The following SYNJ1 variants were observed in gnomAD, a reference collection of about 807,000 sequenced individuals.
SYNJ1 encodes the protein polyphosphatidylinositol phosphatase SYNJ1.
A neutral mutation model predicts 168.2 loss-of-function variants in SYNJ1; 78 were observed. That is an observed-to-expected ratio of 0.46 (90% CI 0.39 to 0.56). SYNJ1 has a LOEUF of 0.56. SYNJ1 is among the 20% of genes least tolerant of loss of function. The pLI, the probability that SYNJ1 is intolerant of heterozygous loss-of-function variation, is 0.00. For missense variants in SYNJ1, 1,303 were observed against 1,597.6 expected, an observed-to-expected ratio of 0.82 and a Z score of 3.14; for synonymous variants, 539 against 548.6, an observed-to-expected ratio of 0.98 and a Z score of 0.24.
intron 2 of SYNJ1, among the ~76,000 whole-genome samples, chr21:32,720,654 A>C (rs2043187179): frequency 6.6e-6 from 1 of 152,240 alleles, no homozygotes; most frequent in Non-Finnish European, 1.5e-5. Flanking sequence ...CCTGAAAGTA[A>C]TCTTACCACT....
At position 32,629,895 on chromosome 21, in the gene SYNJ1, G is replaced by A. The variant is rs2039256452; in HGVS notation, c.*1910C>T. Reference sequence around the variant, plus strand: ...AAAAACTTAAAGCAGCATCATAGATGTGTTATGTAGCCTCGTAAGAGGGGG... The same window carrying A: ...AAAAACTTAAAGCAGCATCATAGATATGTTATGTAGCCTCGTAAGAGGGGG... On this transcript the variant is annotated 3_prime_UTR_variant, in exon 33 of 33. Coordinates refer to ENST00000674351, the MANE Select transcript of SYNJ1 (RefSeq NM_203446.3). 6.6e-6 allele frequency: 1 copy of A among 152,592 alleles called. No homozygotes were observed. Among genetic ancestry groups the A allele is most frequent in the Non-Finnish European group, 1.5e-5 (1 of 68,046 alleles). 9.5% of individuals were successfully genotyped at this position (152,592 alleles called of 1,614,324 possible). A position where few individuals can be genotyped will look rare whatever the true frequency, so the allele number is the denominator to read the frequency against.
Position 32,631,279 on chromosome 21 carries a change from C to T in SYNJ1, c.*526G>A, listed in dbSNP as rs1304102538. ...TCTTCTTCCTCGAAGGTTACCCATC[C>T]TTTCGGGTTGCTAATTTTTAATGTA... On this transcript the variant is annotated 3_prime_UTR_variant, in exon 33 of 33. Transcript: ENST00000674351. The T allele has an allele frequency of 6.2e-7, 1 of 1,614,206 alleles. No homozygotes were observed. The highest frequency in any genetic ancestry group is 1.7e-5 in the Admixed American group (1 of 60,028).
chr21:32,645,660 G>C lies in SYNJ1; in HGVS notation c.3377C>G (p.Pro1126Arg), dbSNP rs2040029014. Residue 1126 changes from proline to arginine, a missense_variant, in exon 25 of 33, where the codon CCT becomes CGT. Around this residue, in one of 2 missense-constraint regions of SYNJ1, gnomAD observed 383 missense variants for 388.8 expected, o/e 0.99. Coordinates refer to ENST00000674351, the MANE Select transcript of SYNJ1 (RefSeq NM_203446.3). ...PPTRPAPPQR[P>R]PPPSGARSPA... ...AAGGTTGTCACCTGAAGGCGGAGGA[G>C]GTCTCTGTGGGGGAGCCGGGCGTGT... 2 of 1,529,664 alleles carry C rather than the reference G, an allele frequency of 1.3e-6. No homozygotes were observed. Among genetic ancestry groups the C allele is most frequent in the Non-Finnish European group, 1.7e-6 (2 of 1,144,706 alleles). The allele number at this position is 1,529,664 out of a possible 1,614,324, so 94.8% of individuals were successfully genotyped here.
intron 2 of SYNJ1, among the ~76,000 whole-genome samples, chr21:32,717,916 C>G (rs369180790): frequency 6.6e-6 from 1 of 152,188 alleles, no homozygotes; most frequent in East Asian, 1.9e-4. Context: ...CTGCTGTGGC[C>G]TGGAAGCTCT....
At chr21:32,640,226 T>C (rs1180972009) in intron 29 of SYNJ1, among the ~76,000 whole-genome samples, 2 of 152,018 alleles carry the variant, frequency 1.3e-5, no homozygotes, top group Admixed American at 1.3e-4. Context: ...TTTTAAAATA[T>C]ACAAGGAGAT....
rs867070602 is a variant in SYNJ1 at position 32,695,627 on chromosome 21, A to T, written c.480-345T>A. 8.0e-5 allele frequency among the ~76,000 whole-genome samples: 12 copies of T among 150,096 alleles called. No individual in the cohort carries two copies. The East Asian group carries it at 1.7e-3, about 22-fold the overall frequency. On this transcript the variant is annotated intron_variant, in intron 4 of 32. Transcript: ENST00000674351. ...CCCAATTTATGAAGCTCTACTTTTT[A>T]AAAAAATATTTATTTATTTATTTAT...
chr21:32,695,870 G>A lies in SYNJ1; in HGVS notation c.480-588C>T, dbSNP rs543553390. 1.1e-4 allele frequency among the ~76,000 whole-genome samples: 16 copies of A among 149,214 alleles called. No individual in the cohort carries two copies. In the East Asian group the frequency reaches 3.0e-3, roughly 28 times the overall value. ...TGTTTTTTTTTTTCTTTTTTGAGAC[G>A]GAGTCTCGCTCTGTCGCCCAGGTTG... is the stretch of plus-strand genomic sequence containing the variant. On this transcript the variant is annotated intron_variant, in intron 4 of 32. Transcript: ENST00000674351.
chr21:32,687,120 C>A, intron 7 of SYNJ1, 46 bp from the exon 8 acceptor site: 2 of 946,594 alleles, frequency 2.1e-6, no homozygotes, highest in Middle Eastern at 2.4e-4. Context: ...ATAAGAAGCC[C>A]AATTTTTTCA....
At chr21:32,672,127 A>T (rs958398319) in intron 14 of SYNJ1, among the ~76,000 whole-genome samples, 3 of 151,064 alleles carry the variant, frequency 2.0e-5, no homozygotes, top group African/African-American at 7.3e-5. Flanking sequence ...GTATTTTAAT[A>T]AAAAGTTTGG....
At chr21:32,643,594 A>T (rs1003602383) in intron 26 of SYNJ1, 137 bp from the exon 27 acceptor site, 2 of 842,986 alleles carry the variant, frequency 2.4e-6, no homozygotes, top group Non-Finnish European at 3.8e-6. Context: ...TTCTTCAAAG[A>T]TATCAATACA....
rs78193747 is a variant in SYNJ1 at position 32,724,795 on chromosome 21, C to A, written c.124+1977G>T. Among the ~76,000 whole-genome samples the A allele has an allele frequency of 4.9e-4, 75 of 152,260 alleles. 3 individuals carry two copies. In the East Asian group the frequency reaches 0.014, roughly 29 times the overall value. On this transcript the variant is annotated intron_variant, in intron 2 of 32. Transcript: ENST00000674351. ...TTAAATATTAATATGTTAAGTATTA[C>A]TGTAAAGCTTATAGTAGGAAAGATA...
At chr21:32,683,825 TAGAG>T (rs1217711887) in intron 10 of SYNJ1, among the ~76,000 whole-genome samples, 1 of 151,942 alleles carries the variant, frequency 6.6e-6, no homozygotes, top group East Asian at 1.9e-4. Context: ...CAGAAGTAGA[TAGAG>T]AGCTACCTAA....
chr21:32,634,036 C>T (rs545828841), intron 32 of SYNJ1, among the ~76,000 whole-genome samples: 27 of 152,278 alleles, frequency 1.8e-4, no homozygotes, highest in Non-Finnish European at 2.9e-4. Context: ...ATACTTCTGT[C>T]TGAGACAAAA....
At chr21:32,691,701 A>C (rs1446388011) in intron 6 of SYNJ1, among the ~76,000 whole-genome samples, 1 of 152,228 alleles carries the variant, frequency 6.6e-6, no homozygotes, top group African/African-American at 2.4e-5. Context: ...ATAATGCCTC[A>C]AACAAATTCA....
intron 2 of SYNJ1, among the ~76,000 whole-genome samples, chr21:32,722,220 A>ATATATATG (rs1402449391): frequency 1.4e-5 from 2 of 145,386 alleles, no homozygotes; most frequent in African/African-American, 5.0e-5. Flanking sequence ...ATATATATAT[A>ATATATATG]TATATATATA....
At chr21:32,653,408 C>T (rs1439782859) in intron 21 of SYNJ1, 42 bp from the exon 22 acceptor site, 1 of 1,453,368 alleles carries the variant, frequency 6.9e-7, no homozygotes, top group Non-Finnish European at 9.6e-7. Flanking sequence ...ATACCATAGA[C>T]ATAACAAGCT....
intron 15 of SYNJ1, among the ~76,000 whole-genome samples, chr21:32,669,387 T>G (rs2041089644): frequency 6.6e-6 from 1 of 152,240 alleles, no homozygotes; most frequent in South Asian, 2.1e-4. Flanking sequence ...TCTGCTACCA[T>G]GATCCTTACA....
At chr21:32,633,691 CACTT>C (rs1218671028) in intron 32 of SYNJ1, among the ~76,000 whole-genome samples, 1 of 152,160 alleles carries the variant, frequency 6.6e-6, no homozygotes, top group Non-Finnish European at 1.5e-5. Context: ...TACTATGAAA[CACTT>C]AGTTACTGCT....
chr21:32,695,009 G>A lies in SYNJ1; in HGVS notation c.705+48C>T, dbSNP rs1240478443. On this transcript the variant is annotated intron_variant, in intron 5 of 32. Transcript: ENST00000674351. ...AATCTGTTATTCTAGTATTTTCTGT[G>A]CTTCTCCTATAATAAATTAATTAAG... 2.0e-6 allele frequency: 3 copies of A among 1,498,486 alleles called. No individual in the cohort carries two copies. In the African/African-American group the frequency reaches 4.2e-5, roughly 21 times the overall value. The allele number at this position is 1,498,486 out of a possible 1,614,324, so 92.8% of individuals were successfully genotyped here. A position where few individuals can be genotyped will look rare whatever the true frequency, so the allele number is the denominator to read the frequency against.
Sources: allele counts gnomAD v4.1 joint callset (sites outside exome capture counted in the v4.1 genomes callset), GRCh38; gene constraint gnomAD v4.1.1; regional missense constraint gnomAD v4.1.1; transcripts MANE v1.5; gene names NCBI Gene and HGNC (gene_info 2026-07-23, HGNC 2026-07-21).